Variants in ARHGEF40 observed in about 807,000 individuals in gnomAD.
The protein encoded by ARHGEF40 is Rho guanine nucleotide exchange factor (GEF) 40.
A neutral mutation model predicts 165.9 loss-of-function variants in ARHGEF40; 98 were observed. The observed-to-expected ratio is 0.59, with a 90% CI of 0.50 to 0.70. ARHGEF40 has a LOEUF of 0.70. Ranked by LOEUF, ARHGEF40 falls within the 30% of genes least tolerant of loss-of-function variation. The probability of loss-of-function intolerance (pLI) is 0.00; values close to 1 mark genes in which losing one functional copy is unlikely to be tolerated. For missense variants in ARHGEF40, 1,815 were observed against 1,968.0 expected (o/e 0.92, Z 1.47); for synonymous variants, 792 against 814.3 (o/e 0.97, Z 0.47).
intron 13 of ARHGEF40, chr14:21,081,295 G>A: frequency 1.3e-6 from 1 of 788,648 alleles, no homozygotes; most frequent in Non-Finnish European, 2.0e-6. Flanking sequence ...AATGTCGTAT[G>A]AGTACCGGTT....
intron 8 of ARHGEF40, among the ~76,000 whole-genome samples, chr14:21,077,867 A>G (rs1887552817): frequency 6.6e-6 from 1 of 152,194 alleles, no homozygotes; most frequent in Admixed American, 6.6e-5. Flanking sequence ...GGGAAGCCCC[A>G]CTGAAGACAG....
At position 21,085,770 on chromosome 14, in the gene ARHGEF40, G is replaced by A. The variant is rs1888290572; in HGVS notation, c.4042G>A (p.Glu1348Lys). The change falls in exon 19 of 24, where the codon GAG becomes AAG. Residue 1348 changes from glutamate (E) to lysine (K), a missense_variant. Physicochemically the swap from Glu to Lys is moderately conservative, Grantham distance 56. Coordinates refer to ENST00000298694, the MANE Select transcript of ARHGEF40 (RefSeq NM_018071.5). ...GTGGTTTCGGCGGCGGCGTGCACGA[G>A]AGGCATACACTCTGCAGGCAACCTC... Reference protein sequence around the residue: ...ELWFRRRRAREAYTLQATSPE... With the variant: ...ELWFRRRRARKAYTLQATSPE... 1 of 1,614,076 alleles carries A rather than the reference G, an allele frequency of 6.2e-7. No homozygotes were observed.
chr14:21,082,156 C>T (rs1217995264), intron 14 of ARHGEF40, 37 bp downstream of exon 14: 1 of 1,561,322 alleles, frequency 6.4e-7, no homozygotes, highest in Admixed American at 1.9e-5. Context: ...AGAGGCGGAG[C>T]CAACTGCCCA....
intron 1 of ARHGEF40, among the ~76,000 whole-genome samples, chr14:21,071,334 G>A (rs1465869508): frequency 6.6e-6 from 1 of 152,118 alleles, no homozygotes; most frequent in Non-Finnish European, 1.5e-5. Flanking sequence ...CAAAGAGGGC[G>A]GGGGCATGGC....
chr14:21,070,513 C>G lies in ARHGEF40; in HGVS notation c.3+114C>G. 7.9e-7 allele frequency: 1 copy of G among 1,270,148 alleles called. No individual in the cohort carries two copies. Among genetic ancestry groups the G allele is most frequent in the East Asian group, 2.7e-5 (1 of 37,170 alleles). The allele number at this position is 1,270,148 out of a possible 1,614,324, so 78.7% of individuals were successfully genotyped here. The stretch of plus-strand genomic sequence containing the variant: ...GCCTGCCTCGGACTGTTCGGCCCCT[C>G]TGGGACTCTCCTCCCTCCCATCCCC... On this transcript the variant is annotated intron_variant, in intron 1 of 23. Transcript: ENST00000298694. This position sits in a 1 kb window ranked among gnomAD's most constrained non-coding sequence, Gnocchi z 4.7.
upstream of ARHGEF40, chr14:21,070,209 G>A (rs553351166): frequency 2.8e-4 from 107 of 378,984 alleles, 1 homozygote; most frequent in South Asian, 0.012. This position sits in a 1 kb window ranked among gnomAD's most constrained non-coding sequence, Gnocchi z 4.7. Flanking sequence ...GCGGGGCGGG[G>A]AGGGGCGGCC....
chr14:21,087,787 C>T (rs1164228564), intron 21 of ARHGEF40, 181 bp from the exon 22 acceptor site: 1 of 832,922 alleles, frequency 1.2e-6, no homozygotes, highest in Admixed American at 2.2e-5. Flanking sequence ...CCTGGTTGCT[C>T]TAATGATGCT....
rs1886748129 is a variant in ARHGEF40, at chr14:21,070,865, C to T, written c.3+466C>T. On this transcript the variant is annotated intron_variant, in intron 1 of 23. Coordinates refer to ENST00000298694, the MANE Select transcript of ARHGEF40 (RefSeq NM_018071.5). The surrounding 1 kb of genome is among the most constrained non-coding windows in gnomAD (Gnocchi z 4.7). ...ACCATTTTCCATCCCTGTCCCCAACCCGGTGAGGCAGGCCCACCCATCCGG... is the reference window on the plus strand; with the variant it reads ...ACCATTTTCCATCCCTGTCCCCAACTCGGTGAGGCAGGCCCACCCATCCGG... 1 of 1,535,650 alleles carries T rather than the reference C, an allele frequency of 6.5e-7. No homozygotes were observed. Among genetic ancestry groups the T allele is most frequent in the Non-Finnish European group, 8.7e-7 (1 of 1,146,858 alleles).
In ARHGEF40 at chr14:21,073,320, G is replaced by A; in HGVS notation, c.201+78G>A. On this transcript the variant is annotated intron_variant, in intron 2 of 23. Transcript: ENST00000298694. This position sits in a 1 kb window ranked among gnomAD's most constrained non-coding sequence, Gnocchi z 4.6. The stretch of plus-strand genomic sequence containing the variant: ...CTACAGACTAGCCAGGCTGACTAAT[G>A]CCCCCACTAACCTAGAGATACAGCC... The A allele has an allele frequency of 6.9e-7, 1 of 1,448,442 alleles. No individual in the cohort carries two copies. Among genetic ancestry groups the A allele is most frequent in the Non-Finnish European group, 9.4e-7 (1 of 1,067,616 alleles). 89.7% of individuals were successfully genotyped at this position (1,448,442 alleles called of 1,614,324 possible).
chr14:21,068,111 T>C (rs1485942825), upstream of ARHGEF40, among the ~76,000 whole-genome samples: 5 of 44,490 alleles, frequency 1.1e-4, 2 homozygotes, highest in Non-Finnish European at 1.9e-4. Context: ...GCCATTCTCC[T>C]GCCTCAGCCT....
In ARHGEF40 at chr14:21,073,066, T is replaced by C. The variant is rs1338983822; in HGVS notation, c.25T>C (p.Cys9Arg). MEPEPVED[C>R]VQSTLAALYP... ...ACAGGAGCCTGAGCCAGTGGAGGAC[T>C]GTGTGCAGAGCACTCTCGCCGCCCT... Residue 9 changes from cysteine to arginine, a missense_variant, in exon 2 of 24, where the codon TGT becomes CGT. Transcript: ENST00000298694. The surrounding 1 kb of genome is among the most constrained non-coding windows in gnomAD (Gnocchi z 4.6). The C allele has an allele frequency of 3.1e-6, 5 of 1,614,066 alleles. No individual in the cohort carries two copies. In the South Asian group the frequency reaches 5.5e-5, roughly 18 times the overall value.
Position 21,075,478 on chromosome 14 carries a change from T to C in ARHGEF40, c.1597T>C (p.Ser533Pro). 6.2e-7 allele frequency: 1 copy of C among 1,614,192 alleles called. No homozygotes were observed. Among genetic ancestry groups the C allele is most frequent in the South Asian group, 1.1e-5 (1 of 91,090 alleles). Residue 533 changes from serine (S) to proline (P), a missense_variant, in exon 4 of 24, where the codon TCT (serine) becomes CCT (proline). Physicochemically the swap from Ser to Pro is moderately conservative, Grantham distance 74. Coordinates refer to ENST00000298694, the MANE Select transcript of ARHGEF40 (RefSeq NM_018071.5). This position sits in a 1 kb window ranked among gnomAD's most constrained non-coding sequence, Gnocchi z 4.5. ...TGATGTAGCTTGGGACTTGATGGCA[T>C]CTGGATTCCTCATCCTGACGGGTCA... ...HPDVAWDLMA[S>P]GFLILTGGVD...
chr14:21,074,602 A>G lies in ARHGEF40; in HGVS notation c.872A>G (p.His291Arg), dbSNP rs1216677693. ...CACCGGAGACACCGGGCGTGGATGC[A>G]CCAGAAGGGCCTGGGGCCTCGGGGC... ...GRHRRHRAWM[H>R]QKGLGPRGQD... The change falls in exon 3 of 24, where the codon CAC becomes CGC. Residue 291 changes from histidine to arginine, a missense_variant. Physicochemically the swap from His to Arg is conservative, Grantham distance 29. Coordinates refer to ENST00000298694, the MANE Select transcript of ARHGEF40 (RefSeq NM_018071.5). The surrounding 1 kb of genome is among the most constrained non-coding windows in gnomAD (Gnocchi z 4.8). The G allele has an allele frequency of 6.4e-7, 1 of 1,569,564 alleles. No homozygotes were observed. The highest frequency in any genetic ancestry group is 1.9e-5 in the Admixed American group (1 of 52,056).
Position 21,070,461 on chromosome 14 carries a change from C to T in ARHGEF40, c.3+62C>T. On this transcript the variant is annotated intron_variant, in intron 1 of 23. Transcript: ENST00000298694. The surrounding 1 kb of genome is among the most constrained non-coding windows in gnomAD (Gnocchi z 4.7). ...CCTTCGCGCAGCCCGCTCCGGGCCCCCAAGTCCTCAGCCTGGTGCCTCCCG... is the reference window on the plus strand; with the variant it reads ...CCTTCGCGCAGCCCGCTCCGGGCCCTCAAGTCCTCAGCCTGGTGCCTCCCG... 7.4e-7 allele frequency: 1 copy of T among 1,356,662 alleles called. No homozygotes were observed. Among genetic ancestry groups the T allele is most frequent in the South Asian group, 1.9e-5 (1 of 52,802 alleles). The allele number at this position is 1,356,662 out of a possible 1,614,324, so 84.0% of individuals were successfully genotyped here.
At chr14:21,081,102 A>C in intron 13 of ARHGEF40, 86 bp downstream of exon 13, 1 of 1,525,814 alleles carries the variant, frequency 6.6e-7, no homozygotes. Flanking sequence ...CAAGTTGTTA[A>C]AAGTGGAGGC....
chr14:21,071,671 C>T (rs982816969), intron 1 of ARHGEF40, among the ~76,000 whole-genome samples: 3 of 152,138 alleles, frequency 2.0e-5, no homozygotes, highest in African/African-American at 4.8e-5. Context: ...ATGAGCTCAC[C>T]GCCCCTAATG....
rs1262021166 is a variant in ARHGEF40 at position 21,088,858 on chromosome 14, C to G, written c.4547C>G (p.Thr1516Ser). The G allele has an allele frequency of 4.3e-6, 7 of 1,613,326 alleles. No homozygotes were observed. Among genetic ancestry groups the G allele is most frequent in the Non-Finnish European group, 5.9e-6 (7 of 1,179,462 alleles). Residue 1516 changes from threonine to serine, a missense_variant, in exon 23 of 24, where the codon ACC becomes AGC. Coordinates refer to ENST00000298694, the MANE Select transcript of ARHGEF40 (RefSeq NM_018071.5). The part of the protein sequence containing the change: ...QSHARALSDP[T>S]TPL ...CATGCTCGAGCCCTGAGTGACCCCA[C>G]CACGCCTCTGTGACCTGGGTGAGTC... is the stretch of plus-strand genomic sequence containing the variant.
upstream of ARHGEF40, among the ~76,000 whole-genome samples, chr14:21,068,668 C>A (rs1357814928): frequency 2.0e-5 from 3 of 152,164 alleles, no homozygotes; most frequent in Non-Finnish European, 4.4e-5. Context: ...TAATAGAGAA[C>A]CTGGAGAGTG....
In ARHGEF40 at chr14:21,074,623, G is replaced by A. The variant is rs1443474882; in HGVS notation, c.893G>A (p.Arg298Gln). The change falls in exon 3 of 24, where the codon CGG becomes CAG. Residue 298 changes from arginine to glutamine, a missense_variant. Physicochemically the swap from Arg to Gln is conservative, Grantham distance 43 (BLOSUM62 1). Transcript: ENST00000298694. The surrounding 1 kb of genome is among the most constrained non-coding windows in gnomAD (Gnocchi z 4.8). ...ATGCACCAGAAGGGCCTGGGGCCTC[G>A]GGGCCAGGATGGAGCACGCCCACCC... ...AWMHQKGLGP[R>Q]GQDGARPPGE... is the part of the protein sequence containing the mutation. 8.9e-6 allele frequency: 14 copies of A among 1,566,352 alleles called. No individual in the cohort carries two copies. Among genetic ancestry groups the A allele is most frequent in the Middle Eastern group, 1.8e-4 (1 of 5,648 alleles).
Sources: allele counts gnomAD v4.1 joint callset (sites outside exome capture counted in the v4.1 genomes callset), GRCh38; gene constraint gnomAD v4.1.1; non-coding constraint Gnocchi (gnomAD v3.1); transcripts MANE v1.5; gene names NCBI Gene and HGNC (gene_info 2026-07-23, HGNC 2026-07-21).